KIT: variants seen among roughly 807,000 people sequenced by gnomAD.
KIT encodes the protein KIT proto-oncogene, receptor tyrosine kinase, also known as mast/stem cell growth factor receptor Kit.
In KIT, 16 loss-of-function variants were observed where a neutral mutation model predicts 105.7. The observed-to-expected ratio is 0.15, with a 90% CI of 0.10 to 0.23. KIT has a LOEUF of 0.23. KIT is among the 10% of genes least tolerant of loss of function. The pLI is 1.00. For synonymous variants in KIT, 438 were observed against 441.1 expected (o/e 0.99, Z 0.09); for missense variants, 858 against 1,213.8 (o/e 0.71, Z 4.36).
intron 7 of KIT, among the ~76,000 whole-genome samples, chr4:54,720,860 T>C (rs1721824983): frequency 6.6e-6 from 1 of 152,220 alleles, no homozygotes; most frequent in Non-Finnish European, 1.5e-5. Context: ...TCATCATTCA[T>C]CTCAGTGTTA....
chr4:54,713,494 C>T (rs1721284440), intron 7 of KIT, among the ~76,000 whole-genome samples: 1 of 151,956 alleles, frequency 6.6e-6, no homozygotes, highest in South Asian at 2.1e-4. Context: ...TAAGCTGAGC[C>T]TCAAGGACAA....
At chr4:54,668,763 TAAAAC>T (rs1717889206) in intron 1 of KIT, among the ~76,000 whole-genome samples, 2 of 152,166 alleles carry the variant, frequency 1.3e-5, no homozygotes, top group South Asian at 2.1e-4. Context: ...CACTTAAAAA[TAAAAC>T]AAGACTATGT....
At chr4:54,680,154 A>C (rs182021081) in intron 1 of KIT, among the ~76,000 whole-genome samples, 1 of 152,270 alleles carries the variant, frequency 6.6e-6, no homozygotes. Context: ...AAAATGGTAA[A>C]TCTTATGTCA....
Position 54,687,986 on chromosome 4 carries a change from G to A in KIT, c.68-7526G>A, listed in dbSNP as rs1005455430. 3.3e-5 allele frequency among the ~76,000 whole-genome samples: 5 copies of A among 152,272 alleles called. No homozygotes were observed. The East Asian group carries it at 5.8e-4, about 18-fold the overall frequency. On this transcript the variant is annotated intron_variant, in intron 1 of 20. Transcript: ENST00000288135. ...TGATGAAAGGTAAGACTTTAATGAC[G>A]ACGGTGCATTGAGCTCCCCATAGTA...
intron 1 of KIT, among the ~76,000 whole-genome samples, chr4:54,669,690 C>T (rs1235294023): frequency 7.1e-6 from 1 of 141,636 alleles, no homozygotes; most frequent in Non-Finnish European, 1.5e-5. Context: ...GAGAAAAGTC[C>T]AGGAGTCCAG....
At position 54,709,445 on chromosome 4, in the gene KIT, A is replaced by G. The variant is rs773723931; in HGVS notation, c.1137A>G (p.Leu379=). The change falls in exon 7 of 21, where the codon CTA becomes CTG. Residue 379 remains leucine, a synonymous_variant. Transcript: ENST00000288135. ...GTAGATACGTAAGTGAACTTCATCT[A>G]ACGAGATTAAAAGGCACCGAAGGAG... ...SNIRYVSELH[L]TRLKGTEGGT... is the part of the protein sequence containing the mutation. 63 of 1,612,098 alleles carry G rather than the reference A, an allele frequency of 3.9e-5. No individual in the cohort carries two copies. In the Admixed American group the frequency reaches 1.0e-3, roughly 26 times the overall value.
intron 1 of KIT, among the ~76,000 whole-genome samples, chr4:54,671,668 T>TA (rs1348146238): frequency 1.3e-5 from 2 of 152,156 alleles, no homozygotes; most frequent in Non-Finnish European, 2.9e-5. Flanking sequence ...AGGGAAGGGT[T>TA]AAAAAAGCAG....
chr4:54,719,774 G>T (rs1721745657), intron 7 of KIT, among the ~76,000 whole-genome samples: 1 of 152,106 alleles, frequency 6.6e-6, no homozygotes, highest in South Asian at 2.1e-4. Context: ...GCCAAACACG[G>T]TGCATTGAGG....
In KIT at chr4:54,695,492, G is replaced by A. The variant is rs72549299; in HGVS notation, c.68-20G>A. 40 of 1,613,842 alleles carry A rather than the reference G, an allele frequency of 2.5e-5. No individual in the cohort carries two copies. In the African/African-American group the frequency reaches 4.3e-4, roughly 17 times the overall value. On this transcript the variant is annotated intron_variant, in intron 1 of 20. Coordinates refer to ENST00000288135, the MANE Select transcript of KIT (RefSeq NM_000222.3). Reference sequence around the variant, plus strand: ...CAAGGAAGAAGATCATACTCAACACGATTCTGTTTTTCTTGGCAGGCTCTT... The same window carrying A: ...CAAGGAAGAAGATCATACTCAACACAATTCTGTTTTTCTTGGCAGGCTCTT...
Position 54,733,185 on chromosome 4 carries a change from A to G in KIT, c.2477A>G (p.Lys826Arg), listed in dbSNP as rs1171241832. Residue 826 changes from lysine (K) to arginine (R), a missense_variant, in exon 17 of 21, where the codon AAA becomes AGA. By Grantham distance (26) the Lys-to-Arg change is conservative. Transcript: ENST00000288135. ...DIKNDSNYVVKGNARLPVKWM... is the reference protein window; with the variant it reads ...DIKNDSNYVVRGNARLPVKWM... ...AAGAATGATTCTAATTATGTGGTTA[A>G]AGGAAACGTGAGTACCCATTCTCTG... 1 of 1,612,406 alleles carries G rather than the reference A, an allele frequency of 6.2e-7. No individual in the cohort carries two copies. Among genetic ancestry groups the G allele is most frequent in the Non-Finnish European group, 8.5e-7 (1 of 1,179,030 alleles).
chr4:54,678,417 G>A (rs1288879454), intron 1 of KIT, among the ~76,000 whole-genome samples: 1 of 119,100 alleles, frequency 8.4e-6, no homozygotes, highest in African/African-American at 3.3e-5. Context: ...CCTTCACGTT[G>A]CCTTACCCCC....
rs762912889 is a variant in KIT, at chr4:54,736,554, G to T, written c.2541G>T (p.Thr847=). 3.1e-5 allele frequency: 50 copies of T among 1,614,096 alleles called. No individual in the cohort carries two copies. The highest frequency in any genetic ancestry group is 4.2e-5 in the Non-Finnish European group (49 of 1,179,986). The part of the protein sequence containing the change: ...APESIFNCVY[T]FESDVWSYGI... ...AAAGCATTTTCAACTGTGTATACAC[G>T]TTTGAAAGTGACGTCTGGTCCTATG... Residue 847 remains threonine, a synonymous_variant, in exon 18 of 21, where the codon ACG becomes ACT. Coordinates refer to ENST00000288135, the MANE Select transcript of KIT (RefSeq NM_000222.3).
Position 54,709,510 on chromosome 4 carries a change from C to T in KIT, c.1202C>T (p.Ala401Val). 1 of 1,610,260 alleles carries T rather than the reference C, an allele frequency of 6.2e-7. No homozygotes were observed. Among genetic ancestry groups the T allele is most frequent in the Non-Finnish European group, 8.5e-7 (1 of 1,176,422 alleles). Residue 401 changes from alanine to valine, a missense_variant, in exon 7 of 21, where the codon GCT becomes GTT. By Grantham distance (64) the Ala-to-Val change is moderately conservative. Around this residue, in one of 7 missense-constraint regions of KIT, gnomAD observed 401 missense variants for 601.0 expected, o/e 0.67. Transcript: ENST00000288135. ...TFLVSNSDVN[A>V]AIAFNVYVNT... ...CTAGTGTCCAATTCTGACGTCAATG[C>T]TGCCATAGCATTTAATGTTTATGTG...
intron 1 of KIT, among the ~76,000 whole-genome samples, chr4:54,669,441 A>G (rs1332121541): frequency 6.6e-6 from 1 of 152,240 alleles, no homozygotes; most frequent in Non-Finnish European, 1.5e-5. Context: ...GCTTTGCGCC[A>G]TACTGGCCAC....
At chr4:54,706,526 A>C (rs1452703425) in intron 5 of KIT, among the ~76,000 whole-genome samples, 1 of 152,124 alleles carries the variant, frequency 6.6e-6, no homozygotes, top group Non-Finnish European at 1.5e-5. Flanking sequence ...TGCTTCTAAA[A>C]AGCCTAGAAA....
At chr4:54,685,065 A>T (rs1159860916) in intron 1 of KIT, among the ~76,000 whole-genome samples, 1 of 152,150 alleles carries the variant, frequency 6.6e-6, no homozygotes, top group African/African-American at 2.4e-5. Flanking sequence ...GGCCCTGTGC[A>T]CTGTCTGATC....
At chr4:54,670,947 GA>G (rs559085143) in intron 1 of KIT, among the ~76,000 whole-genome samples, 559 of 152,180 alleles carry the variant, frequency 3.7e-3, no homozygotes, top group Non-Finnish European at 6.5e-3. Flanking sequence ...TTTCCCTGGG[GA>G]AAAAAATATG....
intron 7 of KIT, among the ~76,000 whole-genome samples, chr4:54,715,059 A>G (rs1445552903): frequency 6.6e-6 from 1 of 152,224 alleles, no homozygotes; most frequent in Admixed American, 6.5e-5. Flanking sequence ...TTATTTCCAA[A>G]TCACTGCATC....
intron 8 of KIT, among the ~76,000 whole-genome samples, chr4:54,724,564 T>A (rs80257858): frequency 0.069 from 10,477 of 152,112 alleles, 1,186 homozygotes; most frequent in African/African-American, 0.24. Flanking sequence ...ATTCAGTAGA[T>A]ACACAGGGAG....
Sources: gnomAD v4.1 joint callset for allele counts (sites outside exome capture counted in the v4.1 genomes callset) on GRCh38, gnomAD v4.1.1 for gene constraint, gnomAD v4.1.1 regional missense constraint, MANE v1.5 for transcripts, NCBI Gene and HGNC (gene_info 2026-07-23, HGNC 2026-07-21) for gene names.